PCDHGA1: variants seen among roughly 807,000 people sequenced by gnomAD.
PCDHGA1 encodes the protein protocadherin gamma-A1.
PCDHGA1 carries 32 observed loss-of-function variants against 58.0 expected under a neutral mutation model. The observed-to-expected ratio is 0.55, with a 90% CI of 0.42 to 0.74. The LOEUF is 0.74. PCDHGA1 is among the 30% of genes least tolerant of loss of function. The pLI is 0.00. For missense variants in PCDHGA1, 1,205 were observed against 1,182.3 expected (o/e 1.02, Z -0.28); for synonymous variants, 498 against 501.1 (o/e 0.99, Z 0.08).
chr5:141,414,173 C>A, intron 1 of PCDHGA1: 1 of 1,606,526 alleles, frequency 6.2e-7, no homozygotes. Context: ...GCATATCTTG[C>A]AACTGCAAAA....
rs754178145 is a variant in PCDHGA1 at position 141,489,423 on chromosome 5, C to G, written c.2422-5384C>G. On this transcript the variant is annotated intron_variant, in intron 1 of 3. Transcript: ENST00000517417. The surrounding 1 kb of genome is among the most constrained non-coding windows in gnomAD (Gnocchi z 4.5). ...GCTTAAAGATGACAGATCTGTTGAG[C>G]CGGCGGCTGCAATTGGGCTCTGAGG... 3 of 1,614,098 alleles carry G rather than the reference C, an allele frequency of 1.9e-6. No individual in the cohort carries two copies. The highest frequency in any genetic ancestry group is 1.7e-5 in the Admixed American group (1 of 60,020).
Position 141,427,790 on chromosome 5 carries a change from C to T in PCDHGA1, c.2422-67017C>T, listed in dbSNP as rs1212280689. ...TGGAGCTGCGGGCACTGTCGTCCTACGTGTCCGTGAGCGCACAGAGCGGGG... is the reference window on the plus strand; with the variant it reads ...TGGAGCTGCGGGCACTGTCGTCCTATGTGTCCGTGAGCGCACAGAGCGGGG... On this transcript the variant is annotated intron_variant, in intron 1 of 3. Transcript: ENST00000517417. 2.0e-6 allele frequency: 3 copies of T among 1,482,108 alleles called. No homozygotes were observed. The Admixed American group carries it at 5.0e-5, about 25-fold the overall frequency. 91.8% of individuals were successfully genotyped at this position (1,482,108 alleles called of 1,614,324 possible).
chr5:141,390,003 C>A, intron 1 of PCDHGA1: 1 of 1,614,056 alleles, frequency 6.2e-7, no homozygotes, highest in Non-Finnish European at 8.5e-7. Flanking sequence ...GGCCATGATT[C>A]TGGCCATTGC....
rs369940443 is a variant in PCDHGA1, at chr5:141,477,841, C to G, written c.2422-16966C>G. 6.2e-7 allele frequency: 1 copy of G among 1,613,308 alleles called. No individual in the cohort carries two copies. The highest frequency in any genetic ancestry group is 1.3e-5 in the African/African-American group (1 of 74,700). On this transcript the variant is annotated intron_variant, in intron 1 of 3. Coordinates refer to ENST00000517417, the MANE Select transcript of PCDHGA1 (RefSeq NM_018912.3). The surrounding 1 kb of genome is among the most constrained non-coding windows in gnomAD (Gnocchi z 4.9). ...TCCTATATCCTCGGCCAGGTGGGAG[C>G]TCGGTGGAGATGCTGCCTCGAGGTA...
chr5:141,433,361 A>ATCTATCTATCTC, intron 1 of PCDHGA1: 1 of 297,578 alleles, frequency 3.4e-6, no homozygotes, highest in Non-Finnish European at 6.3e-6. Context: ...CTGTCTGCCT[A>ATCTATCTATCTC]TCTATCTATC....
intron 1 of PCDHGA1, among the ~76,000 whole-genome samples, chr5:141,359,008 G>A (rs1212259195): frequency 2.0e-5 from 3 of 152,230 alleles, no homozygotes; most frequent in Non-Finnish European, 4.4e-5. Flanking sequence ...ACACAAATTA[G>A]TGTAATTTGA....
At chr5:141,384,870 C>G in intron 1 of PCDHGA1, 4 of 1,613,806 alleles carry the variant, frequency 2.5e-6, no homozygotes, top group South Asian at 1.1e-5. Context: ...TGTCAGCCAC[C>G]GTCACACTCA....
At chr5:141,413,561 A>G in intron 1 of PCDHGA1, 1 of 1,613,924 alleles carries the variant, frequency 6.2e-7, no homozygotes. Flanking sequence ...GAAGTAACTG[A>G]TATCAATGAC....
intron 1 of PCDHGA1, among the ~76,000 whole-genome samples, chr5:141,461,376 T>C (rs2099014225): frequency 6.6e-6 from 1 of 152,184 alleles, no homozygotes; most frequent in South Asian, 2.1e-4. Context: ...AATTTGCATT[T>C]TCCTGATGAT....
At chr5:141,464,443 T>G (rs903733972) in intron 1 of PCDHGA1, among the ~76,000 whole-genome samples, 1 of 151,634 alleles carries the variant, frequency 6.6e-6, no homozygotes, top group African/African-American at 2.4e-5. Context: ...ATGTTTGTTG[T>G]TGTTGTTGTT....
Position 141,394,128 on chromosome 5 carries a change from G to A in PCDHGA1, c.2421+61023G>A, listed in dbSNP as rs371610257. 2.0e-5 allele frequency: 32 copies of A among 1,613,612 alleles called. No homozygotes were observed. The highest frequency in any genetic ancestry group is 4.0e-5 in the African/African-American group (3 of 74,844). ...ACCTCTGTCCACTGAAACTCAAATC[G>A]CTCTGCACGTGGCAGACATTAACGA... On this transcript the variant is annotated intron_variant, in intron 1 of 3. Transcript: ENST00000517417.
chr5:141,414,576 G>A, intron 1 of PCDHGA1: 1 of 1,613,898 alleles, frequency 6.2e-7, no homozygotes, highest in Non-Finnish European at 8.5e-7. Context: ...ATATCCCAGA[G>A]AACAACGCCA....
rs758065876 is a variant in PCDHGA1 at position 141,422,916 on chromosome 5, C to A, written c.2422-71891C>A. 5.6e-6 allele frequency: 9 copies of A among 1,614,260 alleles called. No homozygotes were observed. In the South Asian group the frequency reaches 9.9e-5, roughly 18 times the overall value. ...ACCAGAACGACAATGCGCCCGAGAT[C>A]CTGTACCCTGCCCTCCCCACAGACG... On this transcript the variant is annotated intron_variant, in intron 1 of 3. Coordinates refer to ENST00000517417, the MANE Select transcript of PCDHGA1 (RefSeq NM_018912.3).
At chr5:141,357,700 A>AC in intron 1 of PCDHGA1, 1 of 1,496,044 alleles carries the variant, frequency 6.7e-7, no homozygotes, top group Non-Finnish European at 9.0e-7. Context: ...TTTTATATGT[A>AC]ATATATCAAA....
At position 141,433,275 on chromosome 5, in the gene PCDHGA1, C is replaced by G. The variant is rs1173546273; in HGVS notation, c.2422-61532C>G. 1.5e-5 allele frequency: 19 copies of G among 1,229,998 alleles called. No homozygotes were observed. In the East Asian group the frequency reaches 3.6e-4, roughly 23 times the overall value. The allele number at this position is 1,229,998 out of a possible 1,614,324, so 76.2% of individuals were successfully genotyped here. A position where few individuals can be genotyped will look rare whatever the true frequency, so the allele number is the denominator to read the frequency against. On this transcript the variant is annotated intron_variant, in intron 1 of 3. Transcript: ENST00000517417. ...GCGGTACGATCATAGCTCACTGCAG[C>G]CTCAAACTCCTAGGCTCAAGCAATT...
At chr5:141,340,470 C>A (rs1307399747) in intron 1 of PCDHGA1, 15 of 1,614,228 alleles carry the variant, frequency 9.3e-6, no homozygotes, top group African/African-American at 1.3e-5. Flanking sequence ...CAGGGGGCAC[C>A]CTTATCCTCT....
At chr5:141,375,420 A>G (rs777736413) in intron 1 of PCDHGA1, 6 of 1,614,002 alleles carry the variant, frequency 3.7e-6, no homozygotes, top group Admixed American at 3.3e-5. Flanking sequence ...GCAGACACCA[A>G]CGACAACCCG....
chr5:141,441,772 TG>T, intron 1 of PCDHGA1: 1 of 388,268 alleles, frequency 2.6e-6, no homozygotes, highest in South Asian at 2.0e-5. Flanking sequence ...CGCGTGTTGG[TG>T]GACGACCTGA....
intron 1 of PCDHGA1, chr5:141,394,832 C>G: frequency 1.9e-6 from 3 of 1,613,828 alleles, no homozygotes; most frequent in Non-Finnish European, 2.5e-6. Context: ...AAGTCCTGAC[C>G]GAGTTGGGCA....
Sources: allele counts gnomAD v4.1 joint callset (sites outside exome capture counted in the v4.1 genomes callset), GRCh38; gene constraint gnomAD v4.1.1; non-coding constraint Gnocchi (gnomAD v3.1); transcripts MANE v1.5; gene names NCBI Gene and HGNC (gene_info 2026-07-23, HGNC 2026-07-21).